MAML3: variants seen among roughly 807,000 people sequenced by gnomAD.
The protein encoded by MAML3 is mastermind-like protein 3.
In MAML3, 27 loss-of-function variants were observed where a neutral mutation model predicts 101.9. That is an observed-to-expected ratio of 0.27 (90% confidence interval 0.20 to 0.37). The LOEUF is 0.37. MAML3 is among the 10% of genes least tolerant of loss of function. The pLI, the probability that MAML3 is intolerant of heterozygous loss-of-function variation, is 1.00. For missense variants in MAML3, 1,316 were observed against 1,444.9 expected (o/e 0.91, Z 1.45); for synonymous variants, 501 against 555.9 (o/e 0.90, Z 1.39).
chr4:140,046,245 G>C (rs575083792), intron 1 of MAML3, among the ~76,000 whole-genome samples: 2 of 152,288 alleles, frequency 1.3e-5, no homozygotes, highest in East Asian at 3.9e-4. Flanking sequence ...AGACCCTCTG[G>C]AGCTCTTTCT....
intron 1 of MAML3, among the ~76,000 whole-genome samples, chr4:139,933,045 C>T (rs1733433020): frequency 6.6e-6 from 1 of 151,884 alleles, no homozygotes; most frequent in Non-Finnish European, 1.5e-5. Flanking sequence ...GACAGACAGG[C>T]CAAGGGAGGG....
chr4:140,140,375 T>C (rs772730875), intron 1 of MAML3, among the ~76,000 whole-genome samples: 3 of 152,110 alleles, frequency 2.0e-5, no homozygotes, highest in African/African-American at 7.2e-5. Flanking sequence ...TCTTAATTTA[T>C]CATACTGGAT....
chr4:139,795,912 T>C lies in MAML3; in HGVS notation c.2080-65245A>G, dbSNP rs545305095. On this transcript the variant is annotated intron_variant, in intron 2 of 4. Transcript: ENST00000509479. Reference sequence around the variant, plus strand: ...AATACACACATTCTCTCTTTCTGTCTCTCACAGACAGACTTTCCCATTTAC... The same window carrying C: ...AATACACACATTCTCTCTTTCTGTCCCTCACAGACAGACTTTCCCATTTAC... Among the ~76,000 whole-genome samples, 4 of 152,352 alleles carry C rather than the reference T, an allele frequency of 2.6e-5. No individual in the cohort carries two copies. In the South Asian group the frequency reaches 8.3e-4, roughly 32 times the overall value.
chr4:140,086,092 C>T (rs1013952469), intron 1 of MAML3, among the ~76,000 whole-genome samples: 1 of 152,178 alleles, frequency 6.6e-6, no homozygotes, highest in Non-Finnish European at 1.5e-5. Context: ...TAAGAAATGG[C>T]TCTTACAGGC....
chr4:140,055,372 G>T (rs1183012659), intron 1 of MAML3, among the ~76,000 whole-genome samples: 2 of 152,306 alleles, frequency 1.3e-5, no homozygotes, highest in East Asian at 3.9e-4. Context: ...AAATCCCAGA[G>T]CAGTGAGAAT....
chr4:139,964,280 C>A (rs1734082119), intron 1 of MAML3, among the ~76,000 whole-genome samples: 1 of 152,280 alleles, frequency 6.6e-6, no homozygotes, highest in East Asian at 1.9e-4. Flanking sequence ...GAGATCATGT[C>A]CTTTGCAGGG....
intron 2 of MAML3, among the ~76,000 whole-genome samples, chr4:139,859,125 ATAGT>A (rs1731718677): frequency 6.6e-6 from 1 of 152,174 alleles, no homozygotes; most frequent in Non-Finnish European, 1.5e-5. Context: ...AGTTGCTAAT[ATAGT>A]TAGTCAAATC....
At chr4:140,135,100 C>T (rs1728862293) in intron 1 of MAML3, among the ~76,000 whole-genome samples, 1 of 152,236 alleles carries the variant, frequency 6.6e-6, no homozygotes, top group African/African-American at 2.4e-5. Context: ...ACTCACAGGG[C>T]AGCCAAGGAG....
chr4:139,984,925 A>T (rs766235064), intron 1 of MAML3, among the ~76,000 whole-genome samples: 2 of 152,354 alleles, frequency 1.3e-5, no homozygotes, highest in East Asian at 3.9e-4. Context: ...CATCAAGTTG[A>T]CACATAAGAC....
chr4:139,965,556 T>C (rs1209652103), intron 1 of MAML3, among the ~76,000 whole-genome samples: 1 of 152,218 alleles, frequency 6.6e-6, no homozygotes, highest in Non-Finnish European at 1.5e-5. Context: ...TGTCTTATGT[T>C]AAAAAGGACA....
In MAML3 at chr4:140,031,082, CT is replaced by C. The variant is rs376295453; in HGVS notation, c.468+121777del. On this transcript the variant is annotated intron_variant, in intron 1 of 4. Coordinates refer to ENST00000509479, the MANE Select transcript of MAML3 (RefSeq NM_018717.5). ...GCACTAAATGGCCACAGTCACACCC[CT>C]GTCCTCCGATATTGCCACGAGTTAT... 3.4e-3 allele frequency among the ~76,000 whole-genome samples: 514 copies of C among 152,268 alleles called. 3 individuals carry two copies. Among genetic ancestry groups the C allele is most frequent in the African/African-American group, 0.012 (491 of 41,528 alleles).
At chr4:140,111,114 T>C (rs372682663) in intron 1 of MAML3, among the ~76,000 whole-genome samples, 1 of 152,244 alleles carries the variant, frequency 6.6e-6, no homozygotes, top group African/African-American at 2.4e-5. Context: ...CTACCTATGC[T>C]ATGTATTAAA....
At chr4:139,996,677 T>C (rs925529032) in intron 1 of MAML3, among the ~76,000 whole-genome samples, 6 of 87,662 alleles carry the variant, frequency 6.8e-5, no homozygotes, top group Non-Finnish European at 1.4e-4. Context: ...GGACAGTATA[T>C]AGTTGTATCG....
intron 1 of MAML3, among the ~76,000 whole-genome samples, chr4:139,973,841 C>G (rs140261993): frequency 1.1e-3 from 169 of 152,266 alleles, no homozygotes; most frequent in African/African-American, 3.9e-3. Context: ...ACAAAAATAG[C>G]TGTGTCATGC....
chr4:140,041,557 G>A (rs1014018709), intron 1 of MAML3, among the ~76,000 whole-genome samples: 1 of 152,166 alleles, frequency 6.6e-6, no homozygotes, highest in African/African-American at 2.4e-5. Context: ...GGAGGCAGAG[G>A]TTGCAGTGAG....
intron 1 of MAML3, among the ~76,000 whole-genome samples, chr4:140,092,957 G>GAA (rs1283341798): frequency 6.6e-6 from 1 of 152,196 alleles, no homozygotes; most frequent in Non-Finnish European, 1.5e-5. Flanking sequence ...TGTGACAGCA[G>GAA]ACAAGAGACA....
intron 1 of MAML3, among the ~76,000 whole-genome samples, chr4:140,088,673 C>T (rs747621946): frequency 6.6e-6 from 1 of 152,058 alleles, no homozygotes; most frequent in Non-Finnish European, 1.5e-5. Context: ...CTGGCTCTCA[C>T]CAAGAAAACG....
chr4:139,945,604 T>C (rs1733712404), intron 1 of MAML3, among the ~76,000 whole-genome samples: 1 of 152,234 alleles, frequency 6.6e-6, no homozygotes, highest in South Asian at 2.1e-4. Flanking sequence ...TATTCAAATA[T>C]TAATAAATCA....
chr4:139,731,596 G>A (rs780153008), intron 2 of MAML3, among the ~76,000 whole-genome samples: 2 of 151,982 alleles, frequency 1.3e-5, no homozygotes, highest in Admixed American at 6.6e-5. Flanking sequence ...CAGCCTGGGC[G>A]ACAGAGTGAG....
Sources: gnomAD v4.1 joint callset for allele counts (sites outside exome capture counted in the v4.1 genomes callset) on GRCh38, gnomAD v4.1.1 for gene constraint, MANE v1.5 for transcripts, NCBI Gene and HGNC (gene_info 2026-07-23, HGNC 2026-07-21) for gene names.